TYMS: variants seen among roughly 807,000 people sequenced by gnomAD.
TYMS encodes the protein thymidylate synthase.
TYMS carries 21 observed loss-of-function variants against 39.3 expected under a neutral mutation model. The ratio of observed to expected loss-of-function variants is 0.54; its 90% CI spans 0.38 to 0.77. TYMS has a LOEUF of 0.77. TYMS is among the 30% of genes least tolerant of loss of function. The probability of loss-of-function intolerance (pLI) is 0.00; values close to 1 mark genes in which losing one functional copy is unlikely to be tolerated. For missense variants in TYMS, 273 were observed against 406.7 expected (o/e 0.67, Z 2.83); for synonymous variants, 171 against 162.2 (o/e 1.05, Z -0.41).
At chr18:667,221 T>C (rs866995927) in intron 3 of TYMS, among the ~76,000 whole-genome samples, 4 of 37,064 alleles carry the variant, frequency 1.1e-4, no homozygotes, top group African/African-American at 7.0e-4. Flanking sequence ...ATGGAGATGG[T>C]GATGGTGATG....
In TYMS at chr18:659,681, G is replaced by T. The variant is rs1449621034; in HGVS notation, c.246G>T (p.Lys82Asn). ...PLLTTKRVFW[K>N]GVLEELLWFI... ...TGACAACCAAACGTGTGTTCTGGAA[G>T]GGTGTTTTGGAGGAGTTGCTGTGGT... Residue 82 changes from lysine to asparagine, a missense_variant, in exon 2 of 7, where the codon AAG becomes AAT. Physicochemically the swap from Lys to Asn is moderately conservative, Grantham distance 94. Coordinates refer to ENST00000323274, the MANE Select transcript of TYMS (RefSeq NM_001071.4). The T allele has an allele frequency of 6.2e-7, 1 of 1,614,214 alleles. No individual in the cohort carries two copies. Among genetic ancestry groups the T allele is most frequent in the Non-Finnish European group, 8.5e-7 (1 of 1,180,024 alleles).
Position 673,155 on chromosome 18 carries a change from A to C in TYMS, c.*158A>C. 1.4e-6 allele frequency: 1 copy of C among 729,878 alleles called. No homozygotes were observed. The highest frequency in any genetic ancestry group is 2.1e-6 in the Non-Finnish European group (1 of 483,302). The allele number at this position is 729,878 out of a possible 1,614,324, so 45.2% of individuals were successfully genotyped here. A position where few individuals can be genotyped will look rare whatever the true frequency, so the allele number is the denominator to read the frequency against. On this transcript the variant is annotated 3_prime_UTR_variant, in exon 7 of 7. Coordinates refer to ENST00000323274, the MANE Select transcript of TYMS (RefSeq NM_001071.4). The stretch of plus-strand genomic sequence containing the variant: ...ATTTTTAAGGATGTTGCCACTGGCA[A>C]ATGTAACTGTGCCAGTTCTTTCCAT...
intron 3 of TYMS, among the ~76,000 whole-genome samples, chr18:663,064 A>G (rs575454013): frequency 1.4e-4 from 16 of 112,482 alleles, no homozygotes; most frequent in Middle Eastern, 8.6e-3. Flanking sequence ...TGGTATTTCT[A>G]GTTCTAGATC....
At position 659,559 on chromosome 18, in the gene TYMS, A is replaced by G. The variant is rs2074734987; in HGVS notation, c.206-82A>G. Reference sequence around the variant, plus strand: ...TGGATGCTCCAGGGCCTCACGTCCCAGGGCAGTTTTCTTCCCTGAAGAAAG... The same window carrying G: ...TGGATGCTCCAGGGCCTCACGTCCCGGGGCAGTTTTCTTCCCTGAAGAAAG... On this transcript the variant is annotated intron_variant, in intron 1 of 6. Transcript: ENST00000323274. 2.5e-6 allele frequency: 3 copies of G among 1,200,930 alleles called. No individual in the cohort carries two copies. In the African/African-American group the frequency reaches 4.5e-5, roughly 18 times the overall value. 74.4% of individuals were successfully genotyped at this position (1,200,930 alleles called of 1,614,324 possible). A position where few individuals can be genotyped will look rare whatever the true frequency, so the allele number is the denominator to read the frequency against.
intron 3 of TYMS, among the ~76,000 whole-genome samples, chr18:662,726 C>T (rs1212844265): frequency 6.6e-6 from 1 of 151,332 alleles, no homozygotes; most frequent in Non-Finnish European, 1.5e-5. Flanking sequence ...CATATGTTCT[C>T]GTTGTTCAAT....
chr18:670,831 G>C lies in TYMS; in HGVS notation c.696G>C (p.Leu232=), dbSNP rs1598479234. 6.2e-7 allele frequency: 1 copy of C among 1,613,908 alleles called. No homozygotes were observed. The highest frequency in any genetic ancestry group is 1.7e-5 in the Admixed American group (1 of 59,996). The stretch of plus-strand genomic sequence containing the variant: ...CTTTCAACATCGCCAGCTACGCCCT[G>C]CTCACGTACATGATTGCGCACATCA... ...GVPFNIASYA[L]LTYMIAHITG... The change falls in exon 5 of 7, where the codon CTG becomes CTC. Residue 232 remains leucine, a synonymous_variant. Transcript: ENST00000323274.
intron 3 of TYMS, among the ~76,000 whole-genome samples, chr18:662,663 C>G (rs189809692): frequency 0.03 from 4,569 of 151,882 alleles, 226 homozygotes; most frequent in African/African-American, 0.1. Flanking sequence ...ATCCCTCCCC[C>G]CTCCTCCCAC....
rs1427956170 is a variant in TYMS, at chr18:660,054, G to A, written c.279+340G>A. 1.3e-5 allele frequency among the ~76,000 whole-genome samples: 2 copies of A among 152,110 alleles called. No individual in the cohort carries two copies. The highest frequency in any genetic ancestry group is 4.8e-5 in the African/African-American group (2 of 41,414). ...CTGTACTCCAGCCTGGGCGACAGAG[G>A]GAGAACCCATGTCAAAAACAAAAAA... On this transcript the variant is annotated intron_variant, in intron 2 of 6. Transcript: ENST00000323274. This position sits in a 1 kb window ranked among gnomAD's most constrained non-coding sequence, Gnocchi z 4.6.
rs2075016609 is a variant in TYMS at position 670,984 on chromosome 18, T to G, written c.732+117T>G. 3 of 1,278,848 alleles carry G rather than the reference T, an allele frequency of 2.3e-6. No individual in the cohort carries two copies. The African/African-American group carries it at 4.5e-5, about 19-fold the overall frequency. 79.2% of individuals were successfully genotyped at this position (1,278,848 alleles called of 1,614,324 possible). On this transcript the variant is annotated intron_variant, in intron 5 of 6. Coordinates refer to ENST00000323274, the MANE Select transcript of TYMS (RefSeq NM_001071.4). ...CTGATTAGCTTTTAAATTTGATATGTGTAAGTAAGAAATGAACCAGCTTTT... is the reference window on the plus strand; with the variant it reads ...CTGATTAGCTTTTAAATTTGATATGGGTAAGTAAGAAATGAACCAGCTTTT...
At chr18:664,668 T>G (rs1212214504) in intron 3 of TYMS, among the ~76,000 whole-genome samples, 1 of 148,754 alleles carries the variant, frequency 6.7e-6, no homozygotes, top group Non-Finnish European at 1.5e-5. Flanking sequence ...CATAGATAGC[T>G]CTTATTATTT....
Position 672,982 on chromosome 18 carries a change from G to T in TYMS, c.927G>T (p.Met309Ile). The part of the protein sequence containing the change: ...EGYNPHPTIK[M>I]EMAV Reference sequence around the variant, plus strand: ...ACAATCCGCATCCAACTATTAAAATGGAAATGGCTGTTTAGGGTGCTTTCA... The same window carrying T: ...ACAATCCGCATCCAACTATTAAAATTGAAATGGCTGTTTAGGGTGCTTTCA... The change falls in exon 7 of 7, where the codon ATG (methionine) becomes ATT (isoleucine). Residue 309 changes from methionine to isoleucine, a missense_variant. Physicochemically the swap from Met to Ile is conservative, Grantham distance 10. Transcript: ENST00000323274. 6.4e-7 allele frequency: 1 copy of T among 1,568,654 alleles called. No individual in the cohort carries two copies. Among genetic ancestry groups the T allele is most frequent in the Non-Finnish European group, 8.7e-7 (1 of 1,145,350 alleles).
intron 4 of TYMS, 27 bp from the exon 5 acceptor site, chr18:670,665 C>A (rs1353700584): frequency 6.2e-7 from 1 of 1,611,588 alleles, no homozygotes; most frequent in Non-Finnish European, 8.5e-7. Context: ...CACCATCCCT[C>A]CTTATCTTCC....
intron 3 of TYMS, among the ~76,000 whole-genome samples, chr18:663,360 GTTGT>G (rs768101205): frequency 0.015 from 1,236 of 82,176 alleles, 8 homozygotes; most frequent in East Asian, 0.03. Context: ...TTTTGATGGG[GTTGT>G]TTGTTTTTTT....
intron 3 of TYMS, among the ~76,000 whole-genome samples, chr18:666,957 A>C (rs373128618): frequency 0.012 from 272 of 22,818 alleles, 52 homozygotes; most frequent in African/African-American, 0.069. Flanking sequence ...ATGGTGATGG[A>C]GATGGAGATG....
In TYMS at chr18:666,899, ATGGAGATGGTGATGGTGATGGAGATG is replaced by A. The variant is rs1567989281; in HGVS notation, c.455-2172_455-2147del. On this transcript the variant is annotated intron_variant, in intron 3 of 6. Coordinates refer to ENST00000323274, the MANE Select transcript of TYMS (RefSeq NM_001071.4). ...TGACGAAAAAGTTCGGGAGATGGTG[ATGGAGATGGTGATGGTGATGGAGATG>A]GTGATGGTGATGGAGATGGTGATGG... Among the ~76,000 whole-genome samples the A allele has an allele frequency of 1.1e-3, 63 of 56,416 alleles. 5 individuals are homozygous for A. Among genetic ancestry groups the A allele is most frequent in the Middle Eastern group, 8.5e-3 (1 of 118 alleles). 37.0% of individuals were successfully genotyped at this position (56,416 alleles called of 152,430 possible).
chr18:670,355 G>T, intron 4 of TYMS: 1 of 220,434 alleles, frequency 4.5e-6, no homozygotes, highest in Non-Finnish European at 9.0e-6. Context: ...ATATAGGAGG[G>T]TGTACCAGAA....
intron 5 of TYMS, 111 bp downstream of exon 5, chr18:670,978 GAT>G: frequency 1.5e-6 from 2 of 1,315,580 alleles, no homozygotes; most frequent in Non-Finnish European, 2.1e-6. Context: ...TTTTAAATTT[GAT>G]ATGTGTAAGT....
chr18:659,903 T>C (rs1286519607), intron 2 of TYMS, among the ~76,000 whole-genome samples, 189 bp downstream of exon 2: 2 of 152,090 alleles, frequency 1.3e-5, no homozygotes, highest in Non-Finnish European at 2.9e-5. Flanking sequence ...GACACCCCAG[T>C]CTCTACTAAT....
Position 658,731 on chromosome 18 carries a change from G to A in TYMS, c.205+784G>A. The A allele has an allele frequency of 4.8e-6, 1 of 209,854 alleles. No homozygotes were observed. Among genetic ancestry groups the A allele is most frequent in the Non-Finnish European group, 9.5e-6 (1 of 104,840 alleles). The allele number at this position is 209,854 out of a possible 1,614,324, so 13.0% of individuals were successfully genotyped here. A position where few individuals can be genotyped will look rare whatever the true frequency, so the allele number is the denominator to read the frequency against. On this transcript the variant is annotated intron_variant, in intron 1 of 6. Transcript: ENST00000323274. This position sits in a 1 kb window ranked among gnomAD's most constrained non-coding sequence, Gnocchi z 4.5. Reference sequence around the variant, plus strand: ...GTCCTGGATCCTGCGCCAGCTGCGCGGGGGAGGGGACTCGAAGGTGTGTGA... The same window carrying A: ...GTCCTGGATCCTGCGCCAGCTGCGCAGGGGAGGGGACTCGAAGGTGTGTGA...
Sources: allele counts gnomAD v4.1 joint callset (sites outside exome capture counted in the v4.1 genomes callset), GRCh38; gene constraint gnomAD v4.1.1; non-coding constraint Gnocchi (gnomAD v3.1); transcripts MANE v1.5; gene names NCBI Gene and HGNC (gene_info 2026-07-23, HGNC 2026-07-21).